Variants in STK32B observed in about 807,000 individuals in gnomAD.
STK32B encodes serine/threonine-protein kinase 32B.
STK32B carries 43 observed loss-of-function variants against 52.6 expected under a neutral mutation model. The ratio of observed to expected loss-of-function variants is 0.82; its 90% CI spans 0.64 to 1.05. The LOEUF is 1.05. Ranked by LOEUF, STK32B falls within the 50% of genes least tolerant of loss-of-function variation. STK32B has a pLI of 0.00. For synonymous variants in STK32B, 238 were observed against 204.3 expected (o/e 1.17, Z -1.41); for missense variants, 621 against 534.6 (o/e 1.16, Z -1.59).
chr4:5,341,298 T>A (rs1733060542), intron 4 of STK32B, among the ~76,000 whole-genome samples: 1 of 152,152 alleles, frequency 6.6e-6, no homozygotes, highest in Non-Finnish European at 1.5e-5. Flanking sequence ...GGAACGTGAC[T>A]TGTAGTAAAA....
chr4:5,347,065 C>G lies in STK32B; in HGVS notation c.434+15672C>G, dbSNP rs556292267. Reference sequence around the variant, plus strand: ...TGGTCACCTCCCACTAGGTCCCTCCCTATACATGTGGGGATTATGGGGATT... The same window carrying G: ...TGGTCACCTCCCACTAGGTCCCTCCGTATACATGTGGGGATTATGGGGATT... On this transcript the variant is annotated intron_variant, in intron 4 of 11. Transcript: ENST00000282908. Among the ~76,000 whole-genome samples the G allele has an allele frequency of 3.9e-5, 6 of 152,228 alleles. 1 individual carries two copies. In the South Asian group the frequency reaches 1.2e-3, roughly 32 times the overall value.
At chr4:5,055,935 T>C (rs1480352668) in intron 1 of STK32B, among the ~76,000 whole-genome samples, 9 of 152,322 alleles carry the variant, frequency 5.9e-5, no homozygotes, top group African/African-American at 2.2e-4. Flanking sequence ...GGTTATTGTC[T>C]GTCTTTCTCC....
intron 3 of STK32B, among the ~76,000 whole-genome samples, chr4:5,274,417 TAAAC>T (rs1727670995): frequency 6.6e-6 from 1 of 152,030 alleles, no homozygotes; most frequent in African/African-American, 2.4e-5. Flanking sequence ...CATATTGAGA[TAAAC>T]AAACTGAGAG....
chr4:5,491,542 G>T (rs1335928442), intron 11 of STK32B, among the ~76,000 whole-genome samples: 1 of 151,854 alleles, frequency 6.6e-6, no homozygotes, highest in Admixed American at 6.6e-5. Flanking sequence ...TGTTCACTCT[G>T]ATGGTAGTTT....
At chr4:5,120,573 T>G (rs1294345667) in intron 1 of STK32B, among the ~76,000 whole-genome samples, 8 of 152,208 alleles carry the variant, frequency 5.3e-5, no homozygotes, top group Non-Finnish European at 1.5e-5. Context: ...GTATCCAAAG[T>G]TTCAGGCATC....
At chr4:5,316,177 A>G (rs868359453) in intron 3 of STK32B, among the ~76,000 whole-genome samples, 17 of 93,386 alleles carry the variant, frequency 1.8e-4, no homozygotes, top group African/African-American at 7.4e-4. Flanking sequence ...ATATATATAT[A>G]ACTAAATATA....
chr4:5,132,558 G>A (rs1281695943), intron 1 of STK32B, among the ~76,000 whole-genome samples: 1 of 152,146 alleles, frequency 6.6e-6, no homozygotes, highest in African/African-American at 2.4e-5. Context: ...AGTAATATGG[G>A]ATCACAAGCT....
In STK32B at chr4:5,051,736, C is replaced by T. The variant is rs959138310; in HGVS notation, c.-128C>T. ...GCCCCTGCACGGTGCTCGGCCCCCT[C>T]GGGCTCCGCGCGCGGCTACAACCCG... On this transcript the variant is annotated 5_prime_UTR_variant, in exon 1 of 12. Transcript: ENST00000282908. The T allele has an allele frequency of 1.2e-5, 16 of 1,323,064 alleles. No individual in the cohort carries two copies. In the Admixed American group the frequency reaches 3.2e-4, roughly 26 times the overall value. The allele number at this position is 1,323,064 out of a possible 1,614,324, so 82.0% of individuals were successfully genotyped here. A position where few individuals can be genotyped will look rare whatever the true frequency, so the allele number is the denominator to read the frequency against.
At chr4:5,332,798 C>T (rs1732364253) in intron 4 of STK32B, among the ~76,000 whole-genome samples, 1 of 152,172 alleles carries the variant, frequency 6.6e-6, no homozygotes, top group Non-Finnish European at 1.5e-5. Context: ...TTTCCAATTT[C>T]ATCCGTGTCT....
chr4:5,209,587 G>T (rs371307408), intron 3 of STK32B, among the ~76,000 whole-genome samples: 5 of 152,158 alleles, frequency 3.3e-5, no homozygotes, highest in African/African-American at 1.2e-4. Flanking sequence ...GTGAAAGGAA[G>T]AATAGTGTGC....
At chr4:5,212,093 T>C (rs1031380521) in intron 3 of STK32B, among the ~76,000 whole-genome samples, 2 of 152,238 alleles carry the variant, frequency 1.3e-5, no homozygotes, top group Admixed American at 1.3e-4. Flanking sequence ...CAGGCGATTT[T>C]ATTTAATGGT....
chr4:5,461,026 G>A (rs1716984603), intron 9 of STK32B, among the ~76,000 whole-genome samples: 1 of 152,192 alleles, frequency 6.6e-6, no homozygotes, highest in African/African-American at 2.4e-5. Context: ...GACGCTGAAA[G>A]TTTGGACCTG....
intron 1 of STK32B, among the ~76,000 whole-genome samples, chr4:5,105,508 G>T (rs1577071609): frequency 6.6e-6 from 1 of 151,890 alleles, no homozygotes; most frequent in African/African-American, 2.4e-5. Context: ...TGAGATTCTG[G>T]CTCTGTGATA....
intron 3 of STK32B, among the ~76,000 whole-genome samples, chr4:5,318,648 G>T (rs181154949): frequency 6.6e-6 from 1 of 152,002 alleles, no homozygotes; most frequent in Admixed American, 6.6e-5. Context: ...TCAGACAAGG[G>T]AACAGCATAA....
At chr4:5,409,466 C>T (rs183889319) in intron 5 of STK32B, among the ~76,000 whole-genome samples, 1 of 152,228 alleles carries the variant, frequency 6.6e-6, no homozygotes, top group East Asian at 1.9e-4. Context: ...AGTCAGGGAG[C>T]CTTGGCTCTG....
Position 5,167,162 on chromosome 4 carries a change from A to G in STK32B, c.109-1137A>G, listed in dbSNP as rs1463008908. On this transcript the variant is annotated intron_variant, in intron 2 of 11. Transcript: ENST00000282908. ...GCCCCCTGGTTTTGATCCTGCGGAG[A>G]GCCTTCTCTGACAGCTCCCATCCTC... is the stretch of plus-strand genomic sequence containing the variant. Among the ~76,000 whole-genome samples, 3 of 151,776 alleles carry G rather than the reference A, an allele frequency of 2.0e-5. 1 individual carries two copies. The highest frequency in any genetic ancestry group is 2.0e-4 in the Admixed American group (3 of 15,230).
At chr4:5,113,065 T>G (rs1274046676) in intron 1 of STK32B, among the ~76,000 whole-genome samples, 1 of 152,090 alleles carries the variant, frequency 6.6e-6, no homozygotes, top group Non-Finnish European at 1.5e-5. Flanking sequence ...AGTGCTGTCA[T>G]CTGGATGTCT....
chr4:5,408,037 C>A (rs531324636), intron 5 of STK32B, among the ~76,000 whole-genome samples: 44 of 152,242 alleles, frequency 2.9e-4, no homozygotes, highest in Admixed American at 2.6e-3. Context: ...TCCACAGACA[C>A]CAAATCTGTC....
chr4:5,094,933 T>C (rs1344383450), intron 1 of STK32B, among the ~76,000 whole-genome samples: 1 of 152,206 alleles, frequency 6.6e-6, no homozygotes, highest in Non-Finnish European at 1.5e-5. Context: ...CCAACCTGCA[T>C]TACTGCACAC....
Sources: gnomAD v4.1 joint callset for allele counts (sites outside exome capture counted in the v4.1 genomes callset) on GRCh38, gnomAD v4.1.1 for gene constraint, MANE v1.5 for transcripts, NCBI Gene and HGNC (gene_info 2026-07-23, HGNC 2026-07-21) for gene names.